LRRC28: variants seen among roughly 807,000 people sequenced by gnomAD.
LRRC28 encodes leucine-rich repeat-containing protein 28.
LRRC28 carries 39 observed loss-of-function variants against 45.7 expected under a neutral mutation model. The ratio of observed to expected loss-of-function variants is 0.85; its 90% CI spans 0.66 to 1.12. LRRC28 has a LOEUF of 1.12. Ranked by LOEUF, LRRC28 falls within the 50% of genes most tolerant of loss-of-function variation. The probability of loss-of-function intolerance (pLI) is 0.00; values close to 1 mark genes in which losing one functional copy is unlikely to be tolerated. For missense variants in LRRC28, 435 were observed against 438.5 expected (o/e 0.99, Z 0.07); for synonymous variants, 206 against 178.8 (o/e 1.15, Z -1.22).
At chr15:99,311,119 C>T (rs886935469) in intron 5 of LRRC28, among the ~76,000 whole-genome samples, 1 of 152,052 alleles carries the variant, frequency 6.6e-6, no homozygotes, top group South Asian at 2.1e-4. Flanking sequence ...TGGGCATGCA[C>T]AGAAAAGATA....
chr15:99,359,758 T>C (rs1480961739), intron 7 of LRRC28, among the ~76,000 whole-genome samples: 1 of 152,212 alleles, frequency 6.6e-6, no homozygotes, highest in African/African-American at 2.4e-5. Context: ...CTGTGGTTCA[T>C]CCATAGTATG....
intron 2 of LRRC28, chr15:99,259,829 G>T (rs1339934827): frequency 1.2e-6 from 1 of 860,544 alleles, no homozygotes; most frequent in African/African-American, 1.6e-5. Flanking sequence ...AAAGCATATG[G>T]AGATAGAATA....
chr15:99,259,269 C>T (rs62023769), intron 2 of LRRC28: 73,751 of 1,070,706 alleles, frequency 0.069, 2,889 homozygotes, highest in East Asian at 0.11. Flanking sequence ...GCTGAATCTT[C>T]TCCATTTGTT....
At chr15:99,353,344 G>A (rs1956946129) in intron 7 of LRRC28, among the ~76,000 whole-genome samples, 2 of 152,206 alleles carry the variant, frequency 1.3e-5, no homozygotes, top group African/African-American at 2.4e-5. Flanking sequence ...ATGACAATAA[G>A]TGTATACATA....
chr15:99,331,807 C>T (rs1956167949), intron 5 of LRRC28: 1 of 152,196 alleles, frequency 6.6e-6, no homozygotes, highest in African/African-American at 2.4e-5. Context: ...CCATGCTTTT[C>T]CTCATGGTTT....
At position 99,388,551 on chromosome 15, in the gene LRRC28, G is replaced by A. The variant is rs1958097155; in HGVS notation, c.*2449G>A. 1 of 152,126 alleles carries A rather than the reference G, an allele frequency of 6.6e-6. No individual in the cohort carries two copies. Among genetic ancestry groups the A allele is most frequent in the South Asian group, 2.1e-4 (1 of 4,826 alleles). 9.4% of individuals were successfully genotyped at this position (152,126 alleles called of 1,614,324 possible). A position where few individuals can be genotyped will look rare whatever the true frequency, so the allele number is the denominator to read the frequency against. ...TGGTTTCCCTGGTGCTGTTCATTAT[G>A]GAAATTTTATGCTGGATTTATCGAT... On this transcript the variant is annotated 3_prime_UTR_variant, in exon 10 of 10. Coordinates refer to ENST00000301981, the MANE Select transcript of LRRC28 (RefSeq NM_144598.5).
chr15:99,322,105 C>T (rs1482947313), intron 5 of LRRC28, among the ~76,000 whole-genome samples: 1 of 152,028 alleles, frequency 6.6e-6, no homozygotes, highest in African/African-American at 2.4e-5. Flanking sequence ...AATAACTTGA[C>T]ACTTCATTGG....
At chr15:99,338,162 G>A (rs910652836) in intron 6 of LRRC28, 1 of 152,166 alleles carries the variant, frequency 6.6e-6, no homozygotes, top group African/African-American at 2.4e-5. Context: ...GACCAAAATA[G>A]CCACAGTCTC....
intron 7 of LRRC28, among the ~76,000 whole-genome samples, chr15:99,353,239 G>A (rs1956942251): frequency 6.6e-6 from 1 of 152,038 alleles, no homozygotes; most frequent in Admixed American, 6.6e-5. Context: ...AACACCCCGG[G>A]GGCAACCTAA....
chr15:99,327,809 A>C (rs1956033503), intron 5 of LRRC28, among the ~76,000 whole-genome samples: 1 of 152,030 alleles, frequency 6.6e-6, no homozygotes. Context: ...AAGCTTAGGA[A>C]ATGGATTTCA....
At chr15:99,311,127 A>G (rs1055238365) in intron 5 of LRRC28, among the ~76,000 whole-genome samples, 2 of 152,118 alleles carry the variant, frequency 1.3e-5, no homozygotes, top group South Asian at 4.1e-4. Context: ...CACAGAAAAG[A>G]TATATTTCAG....
intron 5 of LRRC28, among the ~76,000 whole-genome samples, chr15:99,299,733 C>G (rs1315832550): frequency 6.6e-6 from 1 of 152,178 alleles, no homozygotes; most frequent in African/African-American, 2.4e-5. Flanking sequence ...CCCCCCCACT[C>G]AATGTGCATA....
At chr15:99,276,400 A>C (rs1465964950) in intron 2 of LRRC28, among the ~76,000 whole-genome samples, 176 bp from the exon 3 acceptor site, 1 of 152,098 alleles carries the variant, frequency 6.6e-6, no homozygotes, top group Non-Finnish European at 1.5e-5. Flanking sequence ...TGAATTTATA[A>C]ATTTAAATTG....
intron 9 of LRRC28, among the ~76,000 whole-genome samples, chr15:99,378,742 A>G (rs1038352348): frequency 4.6e-5 from 7 of 152,224 alleles, no homozygotes; most frequent in Non-Finnish European, 8.8e-5. Flanking sequence ...TAGAGTTTTT[A>G]GCATGAAGGG....
chr15:99,350,597 G>C (rs1956847482), intron 6 of LRRC28, among the ~76,000 whole-genome samples: 1 of 152,182 alleles, frequency 6.6e-6, no homozygotes, highest in Admixed American at 6.5e-5. Flanking sequence ...CTAGCACAGT[G>C]CCTGAAGGTC....
chr15:99,361,126 T>C (rs1957187743), intron 7 of LRRC28: 2 of 464,316 alleles, frequency 4.3e-6, no homozygotes, highest in South Asian at 8.9e-5. Context: ...GCCTCAGCAA[T>C]GATTTAGCTG....
chr15:99,336,093 T>C (rs1255269638), intron 6 of LRRC28, among the ~76,000 whole-genome samples: 3 of 152,216 alleles, frequency 2.0e-5, no homozygotes, highest in African/African-American at 7.2e-5. Flanking sequence ...AGTGTTTCCA[T>C]GTGCAATAAT....
intron 9 of LRRC28, among the ~76,000 whole-genome samples, chr15:99,385,051 G>A (rs190385345): frequency 2.8e-4 from 43 of 152,312 alleles, no homozygotes; most frequent in Non-Finnish European, 5.0e-4. Flanking sequence ...GGGCCTGAAG[G>A]GCAAAGGGAG....
intron 9 of LRRC28, among the ~76,000 whole-genome samples, chr15:99,379,592 G>A (rs1047100225): frequency 1.2e-4 from 18 of 152,092 alleles, no homozygotes; most frequent in African/African-American, 4.3e-4. Flanking sequence ...GCTTTTGAAT[G>A]TGTTTGCTCT....
Sources: allele counts gnomAD v4.1 joint callset (sites outside exome capture counted in the v4.1 genomes callset), GRCh38; gene constraint gnomAD v4.1.1; transcripts MANE v1.5; gene names NCBI Gene and HGNC (gene_info 2026-07-23, HGNC 2026-07-21).